ZNF638: variants seen among roughly 807,000 people sequenced by gnomAD.
ZNF638 encodes zinc finger protein 638, also known as CTCL tumor antigen se33-1.
Under a neutral mutation model 195.6 loss-of-function variants are expected in ZNF638, and 46 were observed. The observed-to-expected ratio is 0.24, with a 90% CI of 0.19 to 0.30. The LOEUF is 0.30. Among genes scored for constraint, ZNF638 ranks in the 10% least tolerant of loss-of-function variants. The pLI is 1.00. For missense variants in ZNF638, 2,440 were observed against 2,325.3 expected (o/e 1.05, Z -1.01); for synonymous variants, 845 against 772.0 (o/e 1.09, Z -1.57).
chr2:71,349,077 A>T lies in ZNF638; in HGVS notation c.123A>T (p.Arg41Ser). The change falls in exon 2 of 28, where the codon AGA becomes AGT. Residue 41 changes from arginine (R) to serine (S), a missense_variant. Arg to Ser is a moderately radical substitution (Grantham distance 110). This residue lies in a region of ZNF638 where 191 missense variants were observed against 173.8 expected (regional missense o/e 1.10). Coordinates refer to ENST00000264447, the MANE Select transcript of ZNF638 (RefSeq NM_014497.5). The stretch of plus-strand genomic sequence containing the variant: ...GGCCTGGATCTATGGGTCTCCCAAG[A>T]TTTTACCCAGCAGGGAGAGCACGTG... ...FMRPGSMGLP[R>S]FYPAGRARGI... 6.2e-7 allele frequency: 1 copy of T among 1,614,146 alleles called. No homozygotes were observed. The highest frequency in any genetic ancestry group is 8.5e-7 in the Non-Finnish European group (1 of 1,180,034).
chr2:71,342,075 T>C (rs2078770636), intron 1 of ZNF638, among the ~76,000 whole-genome samples: 1 of 151,754 alleles, frequency 6.6e-6, no homozygotes, highest in Non-Finnish European at 1.5e-5. Flanking sequence ...AATATCAAAC[T>C]GTTTAGTAAT....
intron 8 of ZNF638, chr2:71,379,942 T>C: frequency 4.9e-6 from 1 of 205,122 alleles, no homozygotes; most frequent in Non-Finnish European, 9.7e-6. Context: ...AAAAACATAG[T>C]ATATATAGGG....
intron 3 of ZNF638, among the ~76,000 whole-genome samples, chr2:71,357,299 G>A (rs1441234178): frequency 6.6e-6 from 1 of 152,154 alleles, no homozygotes; most frequent in Admixed American, 6.5e-5. Flanking sequence ...TCTGCTCCGG[G>A]TGTTGAGAGT....
intron 10 of ZNF638, chr2:71,395,402 G>A (rs559323841): frequency 5.4e-5 from 36 of 666,486 alleles, no homozygotes; most frequent in African/African-American, 2.0e-4. Context: ...AAGGAGAGAC[G>A]CAAACCTTCT....
chr2:71,378,209 G>A lies in ZNF638; in HGVS notation c.2266-2013G>A, dbSNP rs140619515. The stretch of plus-strand genomic sequence containing the variant: ...TAAAATTACCAGAAAGATAATTTTC[G>A]TGTGAAATGTATAATCAAAAATTGG... On this transcript the variant is annotated intron_variant, in intron 8 of 27. Transcript: ENST00000264447. Among the ~76,000 whole-genome samples the A allele has an allele frequency of 3.5e-3, 534 of 152,136 alleles. 4 individuals carry two copies. Among genetic ancestry groups the A allele is most frequent in the African/African-American group, 0.012 (507 of 41,498 alleles).
intron 21 of ZNF638, among the ~76,000 whole-genome samples, chr2:71,421,185 G>A (rs1183418886): frequency 2.0e-5 from 3 of 152,098 alleles, no homozygotes; most frequent in Non-Finnish European, 2.9e-5. Flanking sequence ...TTGGAAATGA[G>A]TCTTGTAATT....
In ZNF638 at chr2:71,402,196, A is replaced by G. The variant is rs190817272; in HGVS notation, c.2829+109A>G. 5.1e-6 allele frequency: 6 copies of G among 1,179,136 alleles called. No homozygotes were observed. In the African/African-American group the frequency reaches 9.4e-5, roughly 18 times the overall value. 73.0% of individuals were successfully genotyped at this position (1,179,136 alleles called of 1,614,324 possible). A position where few individuals can be genotyped will look rare whatever the true frequency, so the allele number is the denominator to read the frequency against. ...AGGTTTAAAAGCAGTATCTCAAAGTAAACTTTCAAGCTAAGGGATTTTAAA... is the reference window on the plus strand; with the variant it reads ...AGGTTTAAAAGCAGTATCTCAAAGTGAACTTTCAAGCTAAGGGATTTTAAA... On this transcript the variant is annotated intron_variant, in intron 16 of 27. Transcript: ENST00000264447.
chr2:71,388,756 G>C, intron 10 of ZNF638: 1 of 1,036,946 alleles, frequency 9.6e-7, no homozygotes, highest in African/African-American at 1.6e-5. Flanking sequence ...GGATATCCAA[G>C]TTCAGGGGAA....
At chr2:71,407,364 C>T (rs560321033) in intron 19 of ZNF638, 4 of 152,128 alleles carry the variant, frequency 2.6e-5, no homozygotes, top group Non-Finnish European at 5.9e-5. Context: ...TAAAAGAATA[C>T]CTATCATTCT....
rs2079977827 is a variant in ZNF638 at position 71,400,135 on chromosome 2, A to T, written c.2611A>T (p.Ile871Phe). 1 of 1,609,538 alleles carries T rather than the reference A, an allele frequency of 6.2e-7. No individual in the cohort carries two copies. Among genetic ancestry groups the T allele is most frequent in the African/African-American group, 1.3e-5 (1 of 74,836 alleles). The change falls in exon 14 of 28, where the codon ATT (isoleucine) becomes TTT (phenylalanine). Residue 871 changes from isoleucine to phenylalanine, a missense_variant. By Grantham distance (21) the Ile-to-Phe change is conservative. Around this residue, in one of 5 missense-constraint regions of ZNF638, gnomAD observed 1,883 missense variants for 1,739.1 expected, o/e 1.08. Transcript: ENST00000264447. ...AGAAAACTCTGAAATAAAGACCAGT[A>T]TTGAAGTCAAAGCCACTGAAAACTG... ...IPENSEIKTS[I>F]EVKATENCAK... is the part of the protein sequence containing the mutation.
At chr2:71,340,137 C>G (rs2078739539) in intron 1 of ZNF638, among the ~76,000 whole-genome samples, 1 of 152,102 alleles carries the variant, frequency 6.6e-6, no homozygotes, top group Admixed American at 6.5e-5. Context: ...TGGTGTTTAT[C>G]AATCCTTGCA....
intron 8 of ZNF638, among the ~76,000 whole-genome samples, chr2:71,372,811 C>T (rs2079338364): frequency 1.3e-5 from 2 of 152,202 alleles, no homozygotes; most frequent in Non-Finnish European, 1.5e-5. Flanking sequence ...ACACATTTCT[C>T]AATAATTTGA....
In ZNF638 at chr2:71,427,197, T is replaced by C. The variant is rs1379730252; in HGVS notation, c.5328T>C (p.Thr1776=). 1.9e-6 allele frequency: 3 copies of C among 1,612,054 alleles called. No individual in the cohort carries two copies. The highest frequency in any genetic ancestry group is 2.5e-6 in the Non-Finnish European group (3 of 1,179,396). ...NNLKEELNFV[T]VDEVGEEEDG... is the part of the protein sequence containing the mutation. ...TTAAAGAAGAGCTTAATTTTGTTAC[T>C]GTTGATGAAGTTGGAGAGGAGGAAG... Residue 1776 remains threonine, a synonymous_variant, in exon 24 of 28, where the codon ACT becomes ACC. Coordinates refer to ENST00000264447, the MANE Select transcript of ZNF638 (RefSeq NM_014497.5).
intron 10 of ZNF638, chr2:71,388,657 C>T (rs757045355): frequency 3.8e-5 from 36 of 937,354 alleles, no homozygotes; most frequent in Admixed American, 2.5e-4. Flanking sequence ...TGGTGCCCCT[C>T]GTGAGGAACA....
Position 71,423,015 on chromosome 2 carries a change from T to G in ZNF638, c.3501T>G (p.Leu1167=). Residue 1167 remains leucine (L), a synonymous_variant, in exon 22 of 28, where the codon CTT becomes CTG. Transcript: ENST00000264447. ...DSDFAVETLE[L]ETQGEEVKEE... is the part of the protein sequence containing the mutation. ...ACTTTGCTGTTGAAACTTTGGAGCT[T>G]GAAACTCAAGGAGAGGAGGTCAAAG... The G allele has an allele frequency of 1.2e-6, 2 of 1,614,082 alleles. No homozygotes were observed. Among genetic ancestry groups the G allele is most frequent in the Non-Finnish European group, 1.7e-6 (2 of 1,179,982 alleles).
At chr2:71,345,670 A>C (rs984828686) in intron 1 of ZNF638, among the ~76,000 whole-genome samples, 3 of 151,336 alleles carry the variant, frequency 2.0e-5, no homozygotes, top group Non-Finnish European at 2.9e-5. Flanking sequence ...GGTGTGAGCC[A>C]CCTGTATTTT....
intron 20 of ZNF638, among the ~76,000 whole-genome samples, chr2:71,411,323 T>C (rs1277420623): frequency 6.6e-6 from 1 of 151,700 alleles, no homozygotes; most frequent in African/African-American, 2.4e-5. Flanking sequence ...TATTATTATT[T>C]TTTGATTTAT....
intron 8 of ZNF638, 44 bp downstream of exon 8, chr2:71,370,049 A>C (rs1460100241): frequency 6.3e-7 from 1 of 1,577,468 alleles, no homozygotes; most frequent in Non-Finnish European, 8.5e-7. Context: ...CTGTTGTTTT[A>C]GTTTAACTTT....
chr2:71,346,698 TAGTA>T (rs965887571), intron 1 of ZNF638, among the ~76,000 whole-genome samples: 5 of 152,008 alleles, frequency 3.3e-5, no homozygotes, highest in African/African-American at 9.7e-5. Flanking sequence ...AAACATAAGA[TAGTA>T]AGAATCCAAA....
Sources: gnomAD v4.1 joint callset for allele counts (sites outside exome capture counted in the v4.1 genomes callset) on GRCh38, gnomAD v4.1.1 for gene constraint, gnomAD v4.1.1 regional missense constraint, MANE v1.5 for transcripts, NCBI Gene and HGNC (gene_info 2026-07-23, HGNC 2026-07-21) for gene names.